The following GRM5 variants were observed in gnomAD, a reference collection of about 807,000 sequenced individuals.
GRM5 encodes metabotropic glutamate receptor 5.
Under a neutral mutation model 83.1 loss-of-function variants are expected in GRM5, and 19 were observed. The observed-to-expected ratio is 0.23, with a 90% CI of 0.16 to 0.34. GRM5 has a LOEUF of 0.34. GRM5 is among the 10% of genes least tolerant of loss of function. The probability of loss-of-function intolerance (pLI) is 1.00; values close to 1 mark genes in which losing one functional copy is unlikely to be tolerated. For missense variants in GRM5, 1,160 were observed against 1,588.3 expected, an observed-to-expected ratio of 0.73 and a Z score of 4.58; for synonymous variants, 675 against 633.6, an observed-to-expected ratio of 1.07 and a Z score of -0.98.
intron 2 of GRM5, among the ~76,000 whole-genome samples, chr11:88,900,511 T>C (rs1215445845): frequency 6.6e-6 from 1 of 152,166 alleles, no homozygotes; most frequent in African/African-American, 2.4e-5. Flanking sequence ...AAATATTATA[T>C]ACCTAAAAGC....
intron 8 of GRM5, among the ~76,000 whole-genome samples, chr11:88,545,674 TAA>T (rs1474774524): frequency 1.3e-5 from 2 of 152,166 alleles, no homozygotes; most frequent in East Asian, 3.8e-4. Flanking sequence ...AATCAGTTAT[TAA>T]GTTTCATCAT....
At chr11:88,884,890 A>C (rs1275438280) in intron 2 of GRM5, among the ~76,000 whole-genome samples, 1 of 152,126 alleles carries the variant, frequency 6.6e-6, no homozygotes, top group Non-Finnish European at 1.5e-5. Flanking sequence ...GAGTTCATTA[A>C]ACCTTTTTCC....
At chr11:88,682,411 C>A (rs1346892141) in intron 3 of GRM5, among the ~76,000 whole-genome samples, 1 of 151,776 alleles carries the variant, frequency 6.6e-6, no homozygotes, top group Non-Finnish European at 1.5e-5. Context: ...GCTTACAATT[C>A]AAACCAGAAA....
intron 8 of GRM5, among the ~76,000 whole-genome samples, chr11:88,527,726 G>A (rs572638041): frequency 1.3e-5 from 2 of 152,236 alleles, no homozygotes; most frequent in South Asian, 2.1e-4. Flanking sequence ...TAAAGAAAAT[G>A]TGGTACATAT....
chr11:89,025,574 T>A (rs1330480371), intron 2 of GRM5, among the ~76,000 whole-genome samples: 1 of 152,218 alleles, frequency 6.6e-6, no homozygotes, highest in Non-Finnish European at 1.5e-5. Flanking sequence ...CATTATTGTT[T>A]TTTAAATTAA....
chr11:89,015,866 T>A (rs1940840353), intron 2 of GRM5, among the ~76,000 whole-genome samples: 1 of 152,196 alleles, frequency 6.6e-6, no homozygotes, highest in African/African-American at 2.4e-5. Flanking sequence ...TACCATTAGC[T>A]AACAATGTGA....
intron 3 of GRM5, among the ~76,000 whole-genome samples, chr11:88,833,123 T>A: frequency 6.6e-6 from 1 of 152,118 alleles, no homozygotes; most frequent in African/African-American, 2.4e-5. Flanking sequence ...GGGATTGTTT[T>A]AAACCAAAAA....
chr11:88,828,518 T>C (rs528627984), intron 3 of GRM5, among the ~76,000 whole-genome samples: 78 of 152,030 alleles, frequency 5.1e-4, no homozygotes, highest in South Asian at 4.2e-3. Context: ...AATAAGTAAA[T>C]TGATAAAGAC....
intron 3 of GRM5, among the ~76,000 whole-genome samples, chr11:88,793,978 C>T (rs945562487): frequency 5.9e-5 from 9 of 152,090 alleles, no homozygotes; most frequent in Admixed American, 4.6e-4. Context: ...TACAGGCACA[C>T]ACCACTATGC....
At chr11:88,611,243 G>A (rs1938306794) in intron 4 of GRM5, among the ~76,000 whole-genome samples, 2 of 152,250 alleles carry the variant, frequency 1.3e-5, no homozygotes, top group Admixed American at 1.3e-4. Flanking sequence ...ATGAGTTAGG[G>A]AGGAGTACCT....
chr11:88,519,444 T>A (rs777877710), intron 9 of GRM5, among the ~76,000 whole-genome samples: 6 of 152,074 alleles, frequency 3.9e-5, no homozygotes, highest in Non-Finnish European at 7.4e-5. Context: ...GGGTGGCTGA[T>A]AACATAGTGA....
chr11:88,548,689 C>T (rs1034590149), intron 8 of GRM5, among the ~76,000 whole-genome samples: 1 of 152,140 alleles, frequency 6.6e-6, no homozygotes, highest in African/African-American at 2.4e-5. Context: ...TTAGCATTTA[C>T]CTTCTACATC....
chr11:88,784,569 A>G (rs1400038494), intron 3 of GRM5, among the ~76,000 whole-genome samples: 2 of 152,084 alleles, frequency 1.3e-5, no homozygotes, highest in Admixed American at 6.6e-5. Context: ...TGTGTTAGAG[A>G]TTGACTGGCT....
chr11:88,728,042 G>C (rs1246860847), intron 3 of GRM5, among the ~76,000 whole-genome samples: 1 of 151,958 alleles, frequency 6.6e-6, no homozygotes, highest in Non-Finnish European at 1.5e-5. Flanking sequence ...AAAACTAAAG[G>C]AGATAGAGAC....
chr11:88,797,258 T>C (rs1169555649), intron 3 of GRM5, among the ~76,000 whole-genome samples: 2 of 152,108 alleles, frequency 1.3e-5, no homozygotes, highest in Admixed American at 6.6e-5. Flanking sequence ...CAAGAGATTC[T>C]CCTGACTCAG....
rs187153711 is a variant in GRM5 at position 88,547,457 on chromosome 11, A to T, written c.2630+19596T>A. Among the ~76,000 whole-genome samples, 66 of 152,256 alleles carry T rather than the reference A, an allele frequency of 4.3e-4. No individual in the cohort carries two copies. The East Asian group carries it at 0.011, about 26-fold the overall frequency. On this transcript the variant is annotated intron_variant, in intron 8 of 9. Coordinates refer to ENST00000305447, the MANE Select transcript of GRM5 (RefSeq NM_001143831.3). ...AATACCCTCAGTTAGGAGATGGGAG[A>T]CTGCCTCAAGTAGCCCCAAACCTTA...
intron 2 of GRM5, chr11:88,985,018 C>T (rs1398419103): frequency 1.8e-5 from 9 of 492,040 alleles, no homozygotes; most frequent in Non-Finnish European, 2.9e-5. Flanking sequence ...TCCACTTAAT[C>T]ATTTATTAAG....
chr11:88,969,615 T>A (rs986067464), intron 2 of GRM5, among the ~76,000 whole-genome samples: 4 of 152,138 alleles, frequency 2.6e-5, no homozygotes, highest in African/African-American at 9.7e-5. Flanking sequence ...TTTATTAACA[T>A]GGCTTCATGT....
chr11:88,844,387 C>T (rs201721351), intron 3 of GRM5, among the ~76,000 whole-genome samples: 19 of 144,462 alleles, frequency 1.3e-4, no homozygotes, highest in African/African-American at 3.3e-4. Flanking sequence ...CACACACACA[C>T]ACATATATAT....
Sources: allele counts gnomAD v4.1 joint callset (sites outside exome capture counted in the v4.1 genomes callset), GRCh38; gene constraint gnomAD v4.1.1; transcripts MANE v1.5; gene names NCBI Gene and HGNC (gene_info 2026-07-23, HGNC 2026-07-21).